The following MICU2 variants were observed in gnomAD, a reference collection of about 807,000 sequenced individuals.
MICU2 encodes calcium uptake protein 2, mitochondrial.
MICU2 carries 64 observed loss-of-function variants against 60.4 expected under a neutral mutation model. The ratio of observed to expected loss-of-function variants is 1.06; its 90% CI spans 0.87 to 1.31. The LOEUF is 1.31. Among genes scored for constraint, MICU2 ranks in the 50% most tolerant of loss-of-function variants. The probability of loss-of-function intolerance (pLI) is 0.00; values close to 1 mark genes in which losing one functional copy is unlikely to be tolerated. For synonymous variants in MICU2, 201 were observed against 175.0 expected, an observed-to-expected ratio of 1.15 and a Z score of -1.17; for missense variants, 569 against 531.0, an observed-to-expected ratio of 1.07 and a Z score of -0.70.
chr13:21,530,443 G>A (rs1244222208), intron 4 of MICU2, among the ~76,000 whole-genome samples: 2 of 134,532 alleles, frequency 1.5e-5, no homozygotes, highest in African/African-American at 2.8e-5. Context: ...CCAATCATCC[G>A]AAATACTGGG....
At chr13:21,522,570 C>A in intron 5 of MICU2, 33 bp downstream of exon 5, 2 of 1,542,092 alleles carry the variant, frequency 1.3e-6, no homozygotes, top group African/African-American at 1.4e-5. Flanking sequence ...GAGAATTCCA[C>A]ATGATCTCTG....
chr13:21,496,495 G>C (rs1377615775), intron 9 of MICU2: 1 of 268,994 alleles, frequency 3.7e-6, no homozygotes, highest in Non-Finnish European at 7.2e-6. Flanking sequence ...GCAGCTTGAA[G>C]AGACTAACAT....
intron 1 of MICU2, chr13:21,602,645 AGAT>A (rs1464473655): frequency 6.6e-6 from 1 of 152,222 alleles, no homozygotes; most frequent in Non-Finnish European, 1.5e-5. Context: ...TAAAAACACT[AGAT>A]AATAGATCTT....
chr13:21,580,555 A>T (rs1888324646), intron 1 of MICU2, among the ~76,000 whole-genome samples: 1 of 124,120 alleles, frequency 8.1e-6, no homozygotes, highest in Non-Finnish European at 1.9e-5. Flanking sequence ...AGGCAACCTA[A>T]ATCTCCAAAC....
chr13:21,557,796 T>C (rs1887744019), intron 2 of MICU2, among the ~76,000 whole-genome samples: 1 of 152,244 alleles, frequency 6.6e-6, no homozygotes, highest in African/African-American at 2.4e-5. Context: ...GCAAAATTAC[T>C]GAATTCTTGA....
chr13:21,548,779 G>A (rs1049350014), intron 2 of MICU2, among the ~76,000 whole-genome samples: 11 of 152,142 alleles, frequency 7.2e-5, no homozygotes, highest in Non-Finnish European at 1.6e-4. Context: ...ATCACCCGGA[G>A]GGTGCTTGCT....
chr13:21,568,335 G>T (rs2138041838), intron 1 of MICU2, among the ~76,000 whole-genome samples: 1 of 150,998 alleles, frequency 6.6e-6, no homozygotes, highest in African/African-American at 2.5e-5. Flanking sequence ...CTTTTGTGTT[G>T]TCAGTGTCTA....
chr13:21,534,663 A>G (rs1887090169), intron 4 of MICU2, among the ~76,000 whole-genome samples: 1 of 152,250 alleles, frequency 6.6e-6, no homozygotes, highest in Non-Finnish European at 1.5e-5. Flanking sequence ...ATAGATCAGG[A>G]TAATTTGTAA....
At chr13:21,601,715 T>G (rs1888819489) in intron 1 of MICU2, among the ~76,000 whole-genome samples, 1 of 152,046 alleles carries the variant, frequency 6.6e-6, no homozygotes, top group Non-Finnish European at 1.5e-5. Flanking sequence ...TTAAGTCTTG[T>G]TCTAGGGATA....
chr13:21,579,012 C>A (rs1888287101), intron 1 of MICU2, among the ~76,000 whole-genome samples: 1 of 152,194 alleles, frequency 6.6e-6, no homozygotes, highest in Non-Finnish European at 1.5e-5. Context: ...GGATTTCAGG[C>A]CTTATACCAT....
At chr13:21,592,051 CAA>C (rs35580121) in intron 1 of MICU2, among the ~76,000 whole-genome samples, 75,593 of 143,838 alleles carry the variant, frequency 0.53, 21,695 homozygotes, top group Non-Finnish European at 0.67. Flanking sequence ...GAAAATCCTC[CAA>C]AAAAAAAAAA....
At chr13:21,584,464 C>A (rs149681059) in intron 1 of MICU2, among the ~76,000 whole-genome samples, 1 of 151,770 alleles carries the variant, frequency 6.6e-6, no homozygotes, top group Non-Finnish European at 1.5e-5. Context: ...AAGATGCCTG[C>A]GATCTTAAGG....
At chr13:21,556,138 C>T (rs1207988921) in intron 2 of MICU2, among the ~76,000 whole-genome samples, 1 of 152,172 alleles carries the variant, frequency 6.6e-6, no homozygotes, top group Non-Finnish European at 1.5e-5. Context: ...TAAACCCACT[C>T]TAGTCAGGCT....
At chr13:21,577,973 C>CA (rs910129546) in intron 1 of MICU2, among the ~76,000 whole-genome samples, 1 of 145,476 alleles carries the variant, frequency 6.9e-6, no homozygotes, top group African/African-American at 2.5e-5. Flanking sequence ...ATTTTGTCTC[C>CA]AAAAAAAATT....
In MICU2 at chr13:21,534,581, C is replaced by T. The variant is rs180756671; in HGVS notation, c.466+4721G>A. On this transcript the variant is annotated intron_variant, in intron 4 of 11. Transcript: ENST00000382374. ...TAACTGGGAAATATTTAAAAAAACA[C>T]GTAGTCTTCATACTTTCAATACACA... Among the ~76,000 whole-genome samples the T allele has an allele frequency of 3.9e-5, 6 of 152,156 alleles. No homozygotes were observed. The East Asian group carries it at 5.8e-4, about 15-fold the overall frequency.
intron 1 of MICU2, among the ~76,000 whole-genome samples, chr13:21,570,560 G>A (rs1461123621): frequency 2.0e-5 from 3 of 152,120 alleles, no homozygotes; most frequent in African/African-American, 4.8e-5. Context: ...TCATTTCCAC[G>A]AATGCACTGT....
At chr13:21,498,810 A>AG (rs1218463876) in intron 9 of MICU2, among the ~76,000 whole-genome samples, 1 of 106,992 alleles carries the variant, frequency 9.3e-6, no homozygotes, top group African/African-American at 2.9e-5. Flanking sequence ...GATGATAGAG[A>AG]GGGAAAAAAG....
At chr13:21,586,396 T>C (rs1241496885) in intron 1 of MICU2, among the ~76,000 whole-genome samples, 1 of 152,168 alleles carries the variant, frequency 6.6e-6, no homozygotes, top group African/African-American at 2.4e-5. Flanking sequence ...AATCCAACTT[T>C]TCTACTTGTG....
intron 4 of MICU2, among the ~76,000 whole-genome samples, chr13:21,538,762 G>T (rs1355240928): frequency 6.6e-6 from 1 of 151,942 alleles, no homozygotes; most frequent in East Asian, 1.9e-4. Context: ...GAGCATTCTT[G>T]GATTTTGGTA....
Sources: allele counts gnomAD v4.1 joint callset (sites outside exome capture counted in the v4.1 genomes callset), GRCh38; gene constraint gnomAD v4.1.1; transcripts MANE v1.5; gene names NCBI Gene and HGNC (gene_info 2026-07-23, HGNC 2026-07-21).